Variants in KIF5C observed in about 807,000 individuals in gnomAD.
KIF5C encodes the protein kinesin family member 5C.
In KIF5C, 18 loss-of-function variants were observed where a neutral mutation model predicts 125.2. That is an observed-to-expected ratio of 0.14 (90% confidence interval 0.10 to 0.21). The LOEUF is 0.21. KIF5C is among the 10% of genes least tolerant of loss of function. The probability of loss-of-function intolerance (pLI) is 1.00; values close to 1 mark genes in which losing one functional copy is unlikely to be tolerated. For synonymous variants in KIF5C, 405 were observed against 434.0 expected, an observed-to-expected ratio of 0.93 and a Z score of 0.83; for missense variants, 780 against 1,183.8, an observed-to-expected ratio of 0.66 and a Z score of 5.01.
rs145113147 is a variant in KIF5C, at chr2:148,946,936, C to T, written c.627C>T (p.Phe209=). The T allele has an allele frequency of 1.1e-4, 171 of 1,613,078 alleles. 1 individual carries two copies. In the East Asian group the frequency reaches 1.2e-3, roughly 12 times the overall value. The change falls in exon 8 of 26, where the codon TTC becomes TTT. Residue 209 remains phenylalanine, a synonymous_variant. Transcript: ENST00000435030. ...ACAGCTCTAGAAGTCACAGTATCTT[C>T]CTGATAAATATTAAACAAGAGAATG... The part of the protein sequence containing the change: ...NEHSSRSHSI[F]LINIKQENVE...
Position 148,876,272 on chromosome 2 carries a change from G to A in KIF5C, c.126+529G>A, listed in dbSNP as rs893141952. On this transcript the variant is annotated intron_variant, in intron 1 of 25. Transcript: ENST00000435030. The surrounding 1 kb of genome is among the most constrained non-coding windows in gnomAD (Gnocchi z 4.7). ...GGAGCTCCCGCGGCAGTGTAGACGC[G>A]GCTCCCCGCGGTGTTACACCTGGCT... Among the ~76,000 whole-genome samples, 1 of 152,042 alleles carries A rather than the reference G, an allele frequency of 6.6e-6. No individual in the cohort carries two copies. Among genetic ancestry groups the A allele is most frequent in the Non-Finnish European group, 1.5e-5 (1 of 67,996 alleles).
chr2:148,884,947 C>G (rs1040671611), intron 1 of KIF5C, among the ~76,000 whole-genome samples: 12 of 151,278 alleles, frequency 7.9e-5, no homozygotes, highest in East Asian at 3.9e-4. Context: ...CCTATCCCCC[C>G]CTCACAATGG....
chr2:148,898,150 T>A, intron 1 of KIF5C, among the ~76,000 whole-genome samples: 1 of 151,946 alleles, frequency 6.6e-6, no homozygotes, highest in East Asian at 1.9e-4. Flanking sequence ...TCCTGCCAAA[T>A]GTCCTGTCTA....
At chr2:149,000,272 G>C in intron 19 of KIF5C, 151 bp from the exon 20 acceptor site, 2 of 887,862 alleles carry the variant, frequency 2.3e-6, no homozygotes, top group East Asian at 2.7e-5. Flanking sequence ...GGAGGAAGCT[G>C]TGAGGCTGTT....
intron 10 of KIF5C, among the ~76,000 whole-genome samples, chr2:148,950,827 G>A (rs2105114523): frequency 2.0e-5 from 3 of 151,572 alleles, no homozygotes; most frequent in Non-Finnish European, 4.4e-5. Context: ...AAAAAGAATA[G>A]TGAGTGGCAA....
intron 3 of KIF5C, 104 bp downstream of exon 3, chr2:148,929,458 G>C (rs1682120987): frequency 2.9e-6 from 2 of 693,118 alleles, no homozygotes; most frequent in East Asian, 2.8e-5. Context: ...CTGGGAAATA[G>C]AGACGGTTAT....
At chr2:148,976,822 C>T (rs540625349) in intron 12 of KIF5C, among the ~76,000 whole-genome samples, 2 of 152,012 alleles carry the variant, frequency 1.3e-5, no homozygotes, top group African/African-American at 2.4e-5. Flanking sequence ...CTCAAGTGAT[C>T]AAGCTGCCTT....
chr2:149,015,701 G>A (rs2105207903), intron 25 of KIF5C, among the ~76,000 whole-genome samples: 1 of 152,336 alleles, frequency 6.6e-6, no homozygotes. Context: ...AGGAGGAGAT[G>A]ATCTTTTTCA....
At chr2:148,959,655 C>G (rs985352549) in intron 10 of KIF5C, among the ~76,000 whole-genome samples, 1 of 152,172 alleles carries the variant, frequency 6.6e-6, no homozygotes, top group African/African-American at 2.4e-5. Context: ...GCATCTTTAG[C>G]TACTCCTCTG....
chr2:148,898,710 G>A (rs542926050), intron 1 of KIF5C, among the ~76,000 whole-genome samples: 1 of 152,352 alleles, frequency 6.6e-6, no homozygotes, highest in Non-Finnish European at 1.5e-5. Flanking sequence ...CAGGAAGAAA[G>A]CAGCTCTGCA....
intron 1 of KIF5C, among the ~76,000 whole-genome samples, chr2:148,880,092 A>AT (rs959151856): frequency 1.3e-5 from 2 of 151,878 alleles, no homozygotes; most frequent in African/African-American, 4.8e-5. Context: ...CATTAAAACA[A>AT]TTTTTTCAAA....
At chr2:148,966,263 A>C (rs1292650190) in intron 11 of KIF5C, among the ~76,000 whole-genome samples, 1 of 151,868 alleles carries the variant, frequency 6.6e-6, no homozygotes, top group African/African-American at 2.4e-5. Flanking sequence ...CTTTCTTTGC[A>C]TGGTATTTAT....
chr2:148,886,698 T>C (rs746409047), intron 1 of KIF5C, among the ~76,000 whole-genome samples: 3 of 152,196 alleles, frequency 2.0e-5, no homozygotes, highest in Admixed American at 2.0e-4. Context: ...ATGATATTTG[T>C]TGTAAAGTAG....
intron 1 of KIF5C, among the ~76,000 whole-genome samples, chr2:148,890,318 G>A (rs539099324): frequency 6.6e-6 from 1 of 152,292 alleles, no homozygotes; most frequent in South Asian, 2.1e-4. Flanking sequence ...GGGAAAGATA[G>A]CAAGACCCTG....
intron 2 of KIF5C, among the ~76,000 whole-genome samples, chr2:148,925,579 G>A (rs1681958750): frequency 6.6e-6 from 1 of 152,154 alleles, no homozygotes; most frequent in Non-Finnish European, 1.5e-5. Flanking sequence ...TTGGTTCGGG[G>A]GCCATGGACT....
Position 148,875,570 on chromosome 2 carries a change from CCCCGGCCCCCCACCCAT to C in KIF5C, c.-44_-28del. 8 of 692,374 alleles carry C rather than the reference CCCCGGCCCCCCACCCAT, an allele frequency of 1.2e-5. No individual in the cohort carries two copies. Among genetic ancestry groups the C allele is most frequent in the East Asian group, 3.1e-5 (1 of 31,822 alleles). 42.9% of individuals were successfully genotyped at this position (692,374 alleles called of 1,614,324 possible). A position where few individuals can be genotyped will look rare whatever the true frequency, so the allele number is the denominator to read the frequency against. ...CGGCCTCCTCCCTCGTCGTTCCCGG[CCCCGGCCCCCCACCCAT>C]CCCCGTGCCCCCTCCCTACCGCCGG... On this transcript the variant is annotated 5_prime_UTR_variant, in exon 1 of 26. Transcript: ENST00000435030.
rs1682647050 is a variant in KIF5C at position 149,024,948 on chromosome 2, A to G, written c.*1878A>G. The G allele has an allele frequency of 6.6e-6, 1 of 152,242 alleles. No homozygotes were observed. The highest frequency in any genetic ancestry group is 2.1e-4 in the South Asian group (1 of 4,818). 9.4% of individuals were successfully genotyped at this position (152,242 alleles called of 1,614,324 possible). A position where few individuals can be genotyped will look rare whatever the true frequency, so the allele number is the denominator to read the frequency against. On this transcript the variant is annotated 3_prime_UTR_variant, in exon 26 of 26. Transcript: ENST00000435030. ...GTTTGCTTCTGATTTGGGAAGCTAA[A>G]CATTGGTGTTTGAGAGGATTGCCAA...
At chr2:148,934,645 A>C (rs1171915448) in intron 3 of KIF5C, among the ~76,000 whole-genome samples, 1 of 151,738 alleles carries the variant, frequency 6.6e-6, no homozygotes, top group Admixed American at 6.6e-5. Flanking sequence ...ACAGAATGCC[A>C]CACAGCCACA....
At chr2:148,969,308 G>A (rs1432565365) in intron 11 of KIF5C, among the ~76,000 whole-genome samples, 3 of 152,040 alleles carry the variant, frequency 2.0e-5, no homozygotes, top group African/African-American at 7.2e-5. Flanking sequence ...AAGCCTTATA[G>A]GTATGCTTCA....
Sources: gnomAD v4.1 joint callset for allele counts (sites outside exome capture counted in the v4.1 genomes callset) on GRCh38, gnomAD v4.1.1 for gene constraint, Gnocchi (gnomAD v3.1) non-coding constraint, MANE v1.5 for transcripts, NCBI Gene and HGNC (gene_info 2026-07-23, HGNC 2026-07-21) for gene names.